ZFAT: variants seen among roughly 807,000 people sequenced by gnomAD.
The protein encoded by ZFAT is zinc finger protein ZFAT.
ZFAT carries 64 observed loss-of-function variants against 117.7 expected under a neutral mutation model. The observed-to-expected ratio is 0.54, with a 90% confidence interval of 0.44 to 0.67. ZFAT has a LOEUF of 0.67. Among genes scored for constraint, ZFAT ranks in the 30% least tolerant of loss-of-function variants. The pLI is 0.00. For missense variants in ZFAT, 1,433 were observed against 1,584.5 expected (o/e 0.90, Z 1.62); for synonymous variants, 679 against 615.0 (o/e 1.10, Z -1.54).
chr8:134,663,611 A>G (rs1832052471), intron 1 of ZFAT, among the ~76,000 whole-genome samples: 1 of 152,020 alleles, frequency 6.6e-6, no homozygotes, highest in East Asian at 1.9e-4. Flanking sequence ...GGGGGCATAC[A>G]CCTACAATCC....
At chr8:134,590,233 A>T in intron 8 of ZFAT, 35 bp downstream of exon 8, 2 of 1,519,120 alleles carry the variant, frequency 1.3e-6, no homozygotes, top group Non-Finnish European at 9.1e-7. Flanking sequence ...AGCATTTTTA[A>T]CATTAATCTT....
At chr8:134,773,984 A>ATTTTTTTTTTT in the ZFAT span, among the ~76,000 whole-genome samples, 71 of 103,278 alleles carry the variant, frequency 6.9e-4, 2 homozygotes, top group African/African-American at 2.7e-3. Flanking sequence ...TTGAGGATTA[A>ATTTTTTTTTTT]TTTTTTTTTT....
the ZFAT span, among the ~76,000 whole-genome samples, chr8:134,769,328 T>G: frequency 6.6e-6 from 1 of 152,060 alleles, no homozygotes; most frequent in Admixed American, 6.6e-5. Context: ...CCATTCCAAG[T>G]GGGGGAAATT....
intron 1 of ZFAT, among the ~76,000 whole-genome samples, chr8:134,692,210 G>A (rs1312162539): frequency 2.0e-5 from 3 of 152,202 alleles, no homozygotes; most frequent in Non-Finnish European, 1.5e-5. Flanking sequence ...ATCAGGCTCA[G>A]GGTGGGAAAG....
intron 12 of ZFAT, among the ~76,000 whole-genome samples, chr8:134,529,412 C>T (rs1410440617): frequency 6.6e-6 from 1 of 152,224 alleles, no homozygotes; most frequent in African/African-American, 2.4e-5. Flanking sequence ...ACAAGTATTT[C>T]TTCCTTAAAC....
chr8:134,532,864 C>G lies in ZFAT; in HGVS notation c.3085G>C (p.Glu1029Gln). ...TGGATGAGCACCTCCGCTGCCAGCT[C>G]CCCGGTGCCCACGTTGGCATACTCC... ...NEEYANVGTGELAAEVLIQQG... is the reference protein window; with the variant it reads ...NEEYANVGTGQLAAEVLIQQG... The change falls in exon 12 of 16, where the codon GAG becomes CAG. Residue 1029 changes from glutamate to glutamine, a missense_variant. Glu to Gln is a conservative substitution (Grantham distance 29). Around this residue, in one of 5 missense-constraint regions of ZFAT, gnomAD observed 503 missense variants for 543.4 expected, o/e 0.93. Coordinates refer to ENST00000377838, the MANE Select transcript of ZFAT (RefSeq NM_020863.4). 6.2e-7 allele frequency: 1 copy of G among 1,609,748 alleles called. No individual in the cohort carries two copies. The highest frequency in any genetic ancestry group is 2.2e-5 in the East Asian group (1 of 44,776).
intron 3 of ZFAT, among the ~76,000 whole-genome samples, chr8:134,631,731 T>C (rs62525568): frequency 1.4e-3 from 209 of 152,270 alleles, no homozygotes; most frequent in Non-Finnish European, 2.6e-3. Flanking sequence ...AGGCCATACT[T>C]GTGAGTGGCA....
At chr8:134,816,467 T>C in the ZFAT span, among the ~76,000 whole-genome samples, 3 of 150,848 alleles carry the variant, frequency 2.0e-5, no homozygotes, top group Non-Finnish European at 2.9e-5. Flanking sequence ...TTCTGTCAGA[T>C]GATTCCAGTA....
At chr8:134,650,406 G>A (rs1039944765) in intron 2 of ZFAT, among the ~76,000 whole-genome samples, 6 of 152,054 alleles carry the variant, frequency 3.9e-5, no homozygotes, top group Admixed American at 1.3e-4. Context: ...GATTACAGTC[G>A]TGAGCCACTG....
At chr8:134,584,593 T>C (rs1371530918) in intron 9 of ZFAT, among the ~76,000 whole-genome samples, 1 of 152,216 alleles carries the variant, frequency 6.6e-6, no homozygotes, top group Non-Finnish European at 1.5e-5. Context: ...TGATGGGCTG[T>C]TGACTCTGAC....
intron 3 of ZFAT, among the ~76,000 whole-genome samples, chr8:134,617,813 T>C (rs1310748390): frequency 1.3e-5 from 2 of 152,176 alleles, no homozygotes; most frequent in Non-Finnish European, 2.9e-5. Flanking sequence ...AAATTGCAGA[T>C]AGTCTCGACC....
intron 1 of ZFAT, among the ~76,000 whole-genome samples, chr8:134,668,194 G>T (rs577855667): frequency 7.9e-5 from 12 of 152,206 alleles, no homozygotes; most frequent in African/African-American, 2.9e-4. Context: ...GGACATAGCC[G>T]AACAAAAGCA....
intron 15 of ZFAT, among the ~76,000 whole-genome samples, chr8:134,506,640 G>A (rs1044182070): frequency 1.3e-5 from 2 of 152,164 alleles, no homozygotes; most frequent in Admixed American, 1.3e-4. Flanking sequence ...ATCCCTTTCA[G>A]TGATTATTGA....
At chr8:134,822,991 G>C in the ZFAT span, among the ~76,000 whole-genome samples, 1 of 152,148 alleles carries the variant, frequency 6.6e-6, no homozygotes, top group Non-Finnish European at 1.5e-5. Context: ...TCTCTACTAA[G>C]GAATATGAAA....
At chr8:134,817,453 TTG>T in the ZFAT span, among the ~76,000 whole-genome samples, 1 of 149,168 alleles carries the variant, frequency 6.7e-6, no homozygotes, top group African/African-American at 2.5e-5. Context: ...CCCTTATTGA[TTG>T]TTTCTCTGCA....
the ZFAT span, among the ~76,000 whole-genome samples, chr8:134,738,208 C>T: frequency 1.4e-4 from 22 of 152,292 alleles, no homozygotes; most frequent in African/African-American, 4.8e-4. Context: ...ACAAACATCA[C>T]AGGACTCAAG....
chr8:134,732,310 T>C, the ZFAT span, among the ~76,000 whole-genome samples: 1 of 152,108 alleles, frequency 6.6e-6, no homozygotes, highest in Non-Finnish European at 1.5e-5. Context: ...GAAGCAAGCA[T>C]AGTGGGATGA....
At position 134,608,840 on chromosome 8, in the gene ZFAT, T is replaced by A. The variant is rs757694154; in HGVS notation, c.674A>T (p.Glu225Val). Reference sequence around the variant, plus strand: ...GGTCTCAGAATTTGTAGCTCCTGTTTCAGGGGGCCCAGCCTCCACTGGCAC... The same window carrying A: ...GGTCTCAGAATTTGTAGCTCCTGTTACAGGGGGCCCAGCCTCCACTGGCAC... The part of the protein sequence containing the change: ...KIVPVEAGPP[E>V]TGATNSETTS... Residue 225 changes from glutamate (E) to valine (V), a missense_variant, in exon 5 of 16, where the codon GAA becomes GTA. Coordinates refer to ENST00000377838, the MANE Select transcript of ZFAT (RefSeq NM_020863.4). The A allele has an allele frequency of 6.2e-7, 1 of 1,610,868 alleles. No homozygotes were observed. Among genetic ancestry groups the A allele is most frequent in the East Asian group, 2.2e-5 (1 of 44,678 alleles).
At chr8:134,679,970 A>T (rs909865885) in intron 1 of ZFAT, among the ~76,000 whole-genome samples, 3 of 152,054 alleles carry the variant, frequency 2.0e-5, no homozygotes, top group Non-Finnish European at 4.4e-5. Flanking sequence ...GAGGGATAGC[A>T]TTAGGAGAAA....
Sources: gnomAD v4.1 joint callset for allele counts (sites outside exome capture counted in the v4.1 genomes callset) on GRCh38, gnomAD v4.1.1 for gene constraint, gnomAD v4.1.1 regional missense constraint, MANE v1.5 for transcripts, NCBI Gene and HGNC (gene_info 2026-07-23, HGNC 2026-07-21) for gene names.